VPS37A: variants seen among roughly 807,000 people sequenced by gnomAD.
The protein encoded by VPS37A is VPS37A subunit of ESCRT-I, also known as vacuolar protein sorting-associated protein 37A.
In VPS37A, 30 loss-of-function variants were observed where a neutral mutation model predicts 49.8. The ratio of observed to expected loss-of-function variants is 0.60; its 90% confidence interval spans 0.45 to 0.82. The LOEUF (loss-of-function observed/expected upper bound fraction) is 0.82. VPS37A is among the 40% of genes least tolerant of loss of function. The pLI, the probability that VPS37A is intolerant of heterozygous loss-of-function variation, is 0.00. For missense variants in VPS37A, 593 were observed against 464.4 expected (o/e 1.28, Z -2.55); for synonymous variants, 195 against 160.6 (o/e 1.21, Z -1.62).
intron 5 of VPS37A, among the ~76,000 whole-genome samples, chr8:17,275,828 A>G (rs1814461314): frequency 6.6e-6 from 1 of 152,198 alleles, no homozygotes; most frequent in Non-Finnish European, 1.5e-5. Flanking sequence ...TAGAAGATAC[A>G]GACCTAAGTG....
chr8:17,278,283 C>G (rs906162761), intron 6 of VPS37A, among the ~76,000 whole-genome samples: 3 of 151,954 alleles, frequency 2.0e-5, no homozygotes, highest in African/African-American at 7.2e-5. Flanking sequence ...AAATCATTGA[C>G]CATCATTAAT....
Position 17,280,083 on chromosome 8 carries a change from C to G in VPS37A, c.769C>G (p.Leu257Val). 6.2e-7 allele frequency: 1 copy of G among 1,612,612 alleles called. No individual in the cohort carries two copies. Among genetic ancestry groups the G allele is most frequent in the Non-Finnish European group, 8.5e-7 (1 of 1,179,282 alleles). ...AGAGGAGGTATTACTAGAACAGTTTCTGACTTTGCCTCAACTAAAACAAAT... is the reference window on the plus strand; with the variant it reads ...AGAGGAGGTATTACTAGAACAGTTTGTGACTTTGCCTCAACTAAAACAAAT... ...EQEEVLLEQF[L>V]TLPQLKQIIT... The change falls in exon 7 of 12, where the codon CTG (leucine) becomes GTG (valine). Residue 257 changes from leucine to valine, a missense_variant. Leu to Val is a conservative substitution (Grantham distance 32). Coordinates refer to ENST00000324849, the MANE Select transcript of VPS37A (RefSeq NM_152415.3).
At chr8:17,330,072 CAA>C in the VPS37A span, among the ~76,000 whole-genome samples, 3 of 152,138 alleles carry the variant, frequency 2.0e-5, no homozygotes, top group Admixed American at 2.0e-4. Flanking sequence ...CTGATGTGTT[CAA>C]AGTTTCATAA....
chr8:17,259,151 C>G (rs751510455), intron 1 of VPS37A, among the ~76,000 whole-genome samples: 5 of 152,088 alleles, frequency 3.3e-5, no homozygotes, highest in Middle Eastern at 3.4e-3. Flanking sequence ...TCTAGTTCAT[C>G]AAAGTGCATA....
At chr8:17,300,280 A>G (rs202019101), downstream of VPS37A, 3 of 1,519,840 alleles carry the variant, frequency 2.0e-6, no homozygotes, top group Non-Finnish European at 1.8e-6. Flanking sequence ...ATCTTTTTCT[A>G]TATATGCATG....
At chr8:17,275,908 G>C (rs906439289) in intron 5 of VPS37A, among the ~76,000 whole-genome samples, 2 of 152,080 alleles carry the variant, frequency 1.3e-5, no homozygotes, top group African/African-American at 4.8e-5. Flanking sequence ...AGTTAGTAGT[G>C]TGAACAAAAT....
At chr8:17,279,969 G>T (rs182884388) in intron 6 of VPS37A, 59 bp from the exon 7 acceptor site, 92 of 1,604,024 alleles carry the variant, frequency 5.7e-5, no homozygotes, top group Non-Finnish European at 7.3e-5. Context: ...GTAAATAGTT[G>T]TCATGGAGAA....
At chr8:17,331,117 C>G in the VPS37A span, 1 of 1,588,908 alleles carries the variant, frequency 6.3e-7, no homozygotes, top group Non-Finnish European at 8.5e-7. Context: ...TACTTAACTG[C>G]ATTTTAATGC....
chr8:17,323,388 T>A, the VPS37A span, among the ~76,000 whole-genome samples: 1 of 152,038 alleles, frequency 6.6e-6, no homozygotes, highest in African/African-American at 2.4e-5. Context: ...TAAAAGTCAA[T>A]ATACAAACGG....
At chr8:17,292,458 C>T (rs1293062582) in intron 11 of VPS37A, among the ~76,000 whole-genome samples, 4 of 152,122 alleles carry the variant, frequency 2.6e-5, no homozygotes, top group East Asian at 1.9e-4. Context: ...GCATTTAGCC[C>T]GTTTAAGGTT....
the VPS37A span, chr8:17,311,728 G>C: frequency 1.3e-6 from 2 of 1,570,624 alleles, no homozygotes; most frequent in East Asian, 4.5e-5. Flanking sequence ...TATATTTACA[G>C]AAAGAAACAG....
chr8:17,305,150 G>A (rs578158054), downstream of VPS37A, among the ~76,000 whole-genome samples: 8 of 152,130 alleles, frequency 5.3e-5, no homozygotes, highest in Non-Finnish European at 1.2e-4. Flanking sequence ...TTTTCTTTAT[G>A]AGTCCATTTC....
intron 4 of VPS37A, among the ~76,000 whole-genome samples, chr8:17,272,355 C>A (rs1012959301): frequency 2.0e-5 from 3 of 152,086 alleles, no homozygotes; most frequent in African/African-American, 7.2e-5. Context: ...TTCCTGTTTT[C>A]TATGTTCTAG....
intron 11 of VPS37A, among the ~76,000 whole-genome samples, chr8:17,291,431 T>G (rs1213370915): frequency 1.5e-5 from 1 of 66,376 alleles, no homozygotes; most frequent in African/African-American, 7.2e-5. Context: ...GATTCATTGA[T>G]TTTTTTTTTT....
At chr8:17,265,879 G>A in intron 1 of VPS37A, 28 bp from the exon 2 acceptor site, 1 of 1,612,628 alleles carries the variant, frequency 6.2e-7, no homozygotes, top group Non-Finnish European at 8.5e-7. Context: ...ATGACTTTGG[G>A]TAAATTTTTT....
At chr8:17,318,305 C>A in the VPS37A span, among the ~76,000 whole-genome samples, 1 of 152,100 alleles carries the variant, frequency 6.6e-6, no homozygotes, top group South Asian at 2.1e-4. Context: ...TGCTTAGGAG[C>A]AGCGCTTCCA....
chr8:17,299,112 A>C (rs749758647), downstream of VPS37A: 1 of 152,212 alleles, frequency 6.6e-6, no homozygotes, highest in African/African-American at 2.4e-5. Context: ...AAGAAAGCTG[A>C]TACTTAAATT....
At chr8:17,294,776 C>T (rs968166307) in intron 11 of VPS37A, among the ~76,000 whole-genome samples, 5 of 152,274 alleles carry the variant, frequency 3.3e-5, no homozygotes, top group Middle Eastern at 3.4e-3. Flanking sequence ...TCTAACCAGT[C>T]CCAGTGAGAT....
chr8:17,265,462 T>C (rs960815810), intron 1 of VPS37A, among the ~76,000 whole-genome samples: 3 of 152,182 alleles, frequency 2.0e-5, no homozygotes, highest in South Asian at 2.1e-4. Flanking sequence ...TGTCATAAGA[T>C]TGTAGGATGC....
Sources: gnomAD v4.1 joint callset for allele counts (sites outside exome capture counted in the v4.1 genomes callset) on GRCh38, gnomAD v4.1.1 for gene constraint, MANE v1.5 for transcripts, NCBI Gene and HGNC (gene_info 2026-07-23, HGNC 2026-07-21) for gene names.